The following DLG2 variants were observed in gnomAD, a reference collection of about 807,000 sequenced individuals.
DLG2 encodes discs large MAGUK scaffold protein 2.
In DLG2, 45 loss-of-function variants were observed where a neutral mutation model predicts 132.5. The ratio of observed to expected loss-of-function variants is 0.34; its 90% CI spans 0.27 to 0.44. The LOEUF is 0.44. DLG2 is among the 20% of genes least tolerant of loss of function. The pLI is 1.00. For synonymous variants in DLG2, 424 were observed against 419.6 expected (o/e 1.01, Z -0.13); for missense variants, 1,045 against 1,196.9 (o/e 0.87, Z 1.87).
chr11:84,963,974 G>A (rs2052966876), intron 6 of DLG2, among the ~76,000 whole-genome samples: 3 of 152,054 alleles, frequency 2.0e-5, no homozygotes, highest in Non-Finnish European at 1.5e-5. Flanking sequence ...CCTCTAAGGT[G>A]CATTAATTAA....
At chr11:84,191,030 G>A (rs908302039) in intron 8 of DLG2, among the ~76,000 whole-genome samples, 1 of 152,138 alleles carries the variant, frequency 6.6e-6, no homozygotes, top group Non-Finnish European at 1.5e-5. Context: ...TCAAAAAAAT[G>A]GGTAAGAAGT....
chr11:85,600,555 T>C (rs1437823839), intron 2 of DLG2, among the ~76,000 whole-genome samples: 2 of 152,234 alleles, frequency 1.3e-5, no homozygotes, highest in Non-Finnish European at 2.9e-5. Flanking sequence ...CCTTTAATTG[T>C]AAATTCCATT....
At chr11:84,405,936 C>G (rs970224383) in intron 7 of DLG2, among the ~76,000 whole-genome samples, 1 of 152,176 alleles carries the variant, frequency 6.6e-6, no homozygotes, top group African/African-American at 2.4e-5. Context: ...CTGCTCATCT[C>G]TATCGCCATA....
At chr11:83,630,156 C>T (rs2063319137) in intron 19 of DLG2, among the ~76,000 whole-genome samples, 1 of 152,122 alleles carries the variant, frequency 6.6e-6, no homozygotes, top group Admixed American at 6.5e-5. Context: ...ATTTAAAATA[C>T]TGCCTGGCTC....
chr11:84,086,812 A>G (rs1171542217), intron 10 of DLG2, among the ~76,000 whole-genome samples: 1 of 151,986 alleles, frequency 6.6e-6, no homozygotes, highest in Non-Finnish European at 1.5e-5. Flanking sequence ...ATCACCCCCA[A>G]AAGAAATCTT....
intron 7 of DLG2, among the ~76,000 whole-genome samples, chr11:84,405,802 G>T (rs1202238117): frequency 6.6e-6 from 1 of 152,190 alleles, no homozygotes; most frequent in Non-Finnish European, 1.5e-5. Context: ...CTAAGAAGGT[G>T]ATATATAAAA....
At chr11:84,985,991 CAAAAAAAAAAAAAAA>C (rs71036455) in intron 6 of DLG2, among the ~76,000 whole-genome samples, 7 of 44,226 alleles carry the variant, frequency 1.6e-4, no homozygotes, top group South Asian at 2.4e-3. Context: ...GACTCCGTCT[CAAAAAAAAAAAAAAA>C]AAAAAAAAAA....
At chr11:85,183,988 T>TA (rs2079913963) in intron 4 of DLG2, among the ~76,000 whole-genome samples, 1 of 152,020 alleles carries the variant, frequency 6.6e-6, no homozygotes, top group South Asian at 2.1e-4. Flanking sequence ...TTTTCCTTTC[T>TA]GTTTTACATA....
chr11:85,301,204 A>G (rs2079565190), intron 3 of DLG2, among the ~76,000 whole-genome samples: 1 of 152,124 alleles, frequency 6.6e-6, no homozygotes, highest in African/African-American at 2.4e-5. Flanking sequence ...CCATCTCAAA[A>G]CAAAACAAAA....
At chr11:84,994,932 G>A (rs1254428703) in intron 6 of DLG2, among the ~76,000 whole-genome samples, 4 of 152,132 alleles carry the variant, frequency 2.6e-5, no homozygotes, top group Non-Finnish European at 5.9e-5. Context: ...TGTGTCCTCT[G>A]GAGTCTTGGG....
chr11:84,077,812 G>A (rs982016588), intron 10 of DLG2, among the ~76,000 whole-genome samples: 31 of 151,986 alleles, frequency 2.0e-4, no homozygotes, highest in African/African-American at 7.2e-4. Flanking sequence ...TTGAACTTAT[G>A]TTTCCATTCT....
intron 5 of DLG2, among the ~76,000 whole-genome samples, chr11:85,136,234 C>A (rs1032097803): frequency 1.3e-5 from 2 of 152,104 alleles, no homozygotes; most frequent in Non-Finnish European, 2.9e-5. Context: ...AATGCATGTA[C>A]AATATGTATG....
chr11:84,841,365 A>G (rs920366418), intron 6 of DLG2, among the ~76,000 whole-genome samples: 6 of 152,020 alleles, frequency 3.9e-5, no homozygotes, highest in African/African-American at 1.4e-4. Context: ...TTTGAAGTAT[A>G]TGCATGAGAA....
intron 10 of DLG2, among the ~76,000 whole-genome samples, chr11:84,075,755 C>T (rs1211597403): frequency 2.0e-5 from 3 of 152,124 alleles, no homozygotes; most frequent in African/African-American, 4.8e-5. Flanking sequence ...TGTAATTTCA[C>T]AGTACTTATA....
chr11:84,333,376 C>T (rs749886031), intron 7 of DLG2, among the ~76,000 whole-genome samples: 2 of 152,212 alleles, frequency 1.3e-5, no homozygotes, highest in African/African-American at 2.4e-5. Flanking sequence ...AGGACCACGT[C>T]AACCATTGGG....
chr11:85,096,700 C>T (rs1465784599), intron 6 of DLG2, among the ~76,000 whole-genome samples: 1 of 152,054 alleles, frequency 6.6e-6, no homozygotes, highest in Non-Finnish European at 1.5e-5. Flanking sequence ...ATTTTGGCGA[C>T]CACGAAGGGA....
intron 6 of DLG2, among the ~76,000 whole-genome samples, chr11:84,535,905 T>C (rs949246494): frequency 6.6e-6 from 1 of 151,478 alleles, no homozygotes; most frequent in African/African-American, 2.4e-5. Context: ...GTCTAACTTC[T>C]TCCCAGTGTC....
At chr11:84,252,592 G>C (rs76836415) in intron 7 of DLG2, among the ~76,000 whole-genome samples, 2 of 151,876 alleles carry the variant, frequency 1.3e-5, no homozygotes, top group Non-Finnish European at 1.5e-5. Flanking sequence ...AAAGTTTAGC[G>C]GGAATCTGTG....
At chr11:84,412,438 A>T (rs1321126749) in intron 7 of DLG2, among the ~76,000 whole-genome samples, 1 of 152,208 alleles carries the variant, frequency 6.6e-6, no homozygotes, top group Non-Finnish European at 1.5e-5. Flanking sequence ...TGCGAACCCA[A>T]GTTAAATGTT....
Sources: allele counts gnomAD v4.1 joint callset (sites outside exome capture counted in the v4.1 genomes callset), GRCh38; gene constraint gnomAD v4.1.1; transcripts MANE v1.5; gene names NCBI Gene and HGNC (gene_info 2026-07-23, HGNC 2026-07-21).